The following CFAP77 variants were observed in gnomAD, a reference collection of about 807,000 sequenced individuals.
CFAP77 encodes the protein cilia and flagella associated protein 77, also known as cilia- and flagella-associated protein 77.
A neutral mutation model predicts 31.1 loss-of-function variants in CFAP77; 25 were observed. The observed-to-expected ratio is 0.80, with a 90% CI of 0.59 to 1.12. CFAP77 has a LOEUF of 1.12. Ranked by LOEUF, CFAP77 falls within the 50% of genes most tolerant of loss-of-function variation. CFAP77 has a pLI of 0.00. For synonymous variants in CFAP77, 151 were observed against 159.9 expected, an observed-to-expected ratio of 0.94 and a Z score of 0.42; for missense variants, 377 against 397.3, an observed-to-expected ratio of 0.95 and a Z score of 0.44.
chr9:132,483,936 C>CTTT (rs1193968732), intron 1 of CFAP77, among the ~76,000 whole-genome samples: 8 of 132,998 alleles, frequency 6.0e-5, no homozygotes, highest in African/African-American at 2.0e-4. Flanking sequence ...GAGGTATTGT[C>CTTT]TTTTTTTTTT....
At chr9:132,417,691 C>G (rs191556207) in intron 1 of CFAP77, among the ~76,000 whole-genome samples, 3 of 152,214 alleles carry the variant, frequency 2.0e-5, no homozygotes, top group East Asian at 1.9e-4. Flanking sequence ...TTCAGTGAGA[C>G]AGTGCAGGCA....
chr9:132,540,924 T>G (rs1852629379), intron 4 of CFAP77, among the ~76,000 whole-genome samples: 1 of 152,160 alleles, frequency 6.6e-6, no homozygotes, highest in Non-Finnish European at 1.5e-5. Flanking sequence ...CCCCATCACT[T>G]AGCGCATAGC....
chr9:132,505,273 C>T (rs374424917), intron 3 of CFAP77, among the ~76,000 whole-genome samples: 2 of 152,234 alleles, frequency 1.3e-5, no homozygotes, highest in African/African-American at 2.4e-5. Flanking sequence ...CTTCTCCACA[C>T]GTCTCTGAAT....
At chr9:132,538,859 G>A (rs569456326) in intron 4 of CFAP77, among the ~76,000 whole-genome samples, 109 of 152,170 alleles carry the variant, frequency 7.2e-4, no homozygotes, top group Admixed American at 1.1e-3. Context: ...AGGCCAAGGC[G>A]GGCGGATCAT....
At chr9:132,544,007 C>T (rs913166128) in intron 5 of CFAP77, among the ~76,000 whole-genome samples, 1 of 152,214 alleles carries the variant, frequency 6.6e-6, no homozygotes, top group African/African-American at 2.4e-5. Flanking sequence ...AGTCGCCTGG[C>T]CCCGGGAAGA....
At chr9:132,434,726 C>T (rs997147302) in intron 1 of CFAP77, among the ~76,000 whole-genome samples, 3 of 152,086 alleles carry the variant, frequency 2.0e-5, no homozygotes, top group Non-Finnish European at 2.9e-5. Context: ...CCCCCAAGCG[C>T]CCATGAGCAG....
At chr9:132,431,863 T>G (rs1306322083) in intron 1 of CFAP77, among the ~76,000 whole-genome samples, 5 of 152,156 alleles carry the variant, frequency 3.3e-5, no homozygotes, top group African/African-American at 1.2e-4. Flanking sequence ...CTAGTACATC[T>G]CAGTGAATCC....
chr9:132,516,621 A>ACACACG (rs1276599294), intron 3 of CFAP77, among the ~76,000 whole-genome samples: 5 of 151,952 alleles, frequency 3.3e-5, no homozygotes, highest in Admixed American at 6.6e-5. Context: ...ACACACACAC[A>ACACACG]CGAGTATGGG....
intron 5 of CFAP77, among the ~76,000 whole-genome samples, chr9:132,569,728 C>CTTTTTTT (rs558402201): frequency 5.1e-5 from 5 of 98,472 alleles, no homozygotes; most frequent in African/African-American, 1.3e-4. Flanking sequence ...TCTAGCTGCC[C>CTTTTTTT]TTTTTTTTTT....
Position 132,495,388 on chromosome 9 carries a change from C to T in CFAP77, c.196-3307C>T, listed in dbSNP as rs1168605423. Among the ~76,000 whole-genome samples, 1 of 152,184 alleles carries T rather than the reference C, an allele frequency of 6.6e-6. No homozygotes were observed. The highest frequency in any genetic ancestry group is 2.4e-5 in the African/African-American group (1 of 41,444). On this transcript the variant is annotated intron_variant, in intron 1 of 5. Coordinates refer to ENST00000393216, the MANE Select transcript of CFAP77 (RefSeq NM_001282957.2). The surrounding 1 kb of genome is among the most constrained non-coding windows in gnomAD (Gnocchi z 4.2). ...ACCTGCCTTGAGGGAGGCAGAGTCT[C>T]TCCCAGAGAAGTCACATTTTAATTA... is the stretch of plus-strand genomic sequence containing the variant.
In CFAP77 at chr9:132,498,770, G is replaced by A. The variant is rs765874269; in HGVS notation, c.271G>A (p.Gly91Arg). 1 of 1,610,724 alleles carries A rather than the reference G, an allele frequency of 6.2e-7. No individual in the cohort carries two copies. Among genetic ancestry groups the A allele is most frequent in the Non-Finnish European group, 8.5e-7 (1 of 1,178,296 alleles). ...INFNYGLYIR[G>R]LDGGVPEAIG... ...TTTTAATTATGGACTCTACATCCGA[G>A]GGCTTGACGGAGGAGTCCCTGAAGG... The change falls in exon 2 of 6, where the codon GGG becomes AGG. Residue 91 changes from glycine to arginine, a missense_variant. Transcript: ENST00000393216. This position sits in a 1 kb window ranked among gnomAD's most constrained non-coding sequence, Gnocchi z 4.2.
intron 1 of CFAP77, among the ~76,000 whole-genome samples, chr9:132,428,000 CTT>C (rs796779511): frequency 1.4e-5 from 2 of 142,952 alleles, no homozygotes; most frequent in Non-Finnish European, 1.5e-5. Context: ...TAGATTCTTT[CTT>C]TTTTTTTTTT....
intron 1 of CFAP77, among the ~76,000 whole-genome samples, chr9:132,484,849 TTTC>T (rs773387691): frequency 6.3e-4 from 95 of 151,530 alleles, no homozygotes; most frequent in African/African-American, 2.1e-3. Context: ...TTTAACTTTC[TTTC>T]TTTTTTTTTT....
intron 1 of CFAP77, among the ~76,000 whole-genome samples, chr9:132,494,925 C>T (rs1452343484): frequency 6.6e-6 from 1 of 152,318 alleles, no homozygotes; most frequent in Admixed American, 6.5e-5. Context: ...GATAAGACTA[C>T]TTTATTATGG....
intron 1 of CFAP77, 76 bp downstream of exon 1, chr9:132,410,542 A>G (rs1682107416): frequency 3.1e-6 from 4 of 1,307,214 alleles, no homozygotes; most frequent in Non-Finnish European, 4.1e-6. Flanking sequence ...CCCCACCCGC[A>G]GCGCCCTGGC....
At chr9:132,561,373 C>CA (rs1829799858) in intron 5 of CFAP77, among the ~76,000 whole-genome samples, 1 of 151,640 alleles carries the variant, frequency 6.6e-6, no homozygotes, top group South Asian at 2.1e-4. Flanking sequence ...TTTCCCCCCC[C>CA]AAATCCTCCC....
intron 1 of CFAP77, among the ~76,000 whole-genome samples, chr9:132,437,985 A>G (rs1589850023): frequency 6.6e-6 from 1 of 151,424 alleles, no homozygotes; most frequent in South Asian, 2.1e-4. Flanking sequence ...TGAGGCCAAC[A>G]CCTGAGGTCA....
chr9:132,418,551 C>T (rs1328303158), intron 1 of CFAP77, among the ~76,000 whole-genome samples: 1 of 152,218 alleles, frequency 6.6e-6, no homozygotes, highest in East Asian at 1.9e-4. Context: ...CTCTCATACA[C>T]TTTATGGCTA....
At chr9:132,533,228 G>A (rs1852487934) in intron 3 of CFAP77, among the ~76,000 whole-genome samples, 1 of 152,212 alleles carries the variant, frequency 6.6e-6, no homozygotes, top group East Asian at 1.9e-4. Flanking sequence ...AGCTGCCGAA[G>A]ACTCTTCATG....
Sources: allele counts gnomAD v4.1 joint callset (sites outside exome capture counted in the v4.1 genomes callset), GRCh38; gene constraint gnomAD v4.1.1; non-coding constraint Gnocchi (gnomAD v3.1); transcripts MANE v1.5; gene names NCBI Gene and HGNC (gene_info 2026-07-23, HGNC 2026-07-21).